Variants in TSHZ2 observed in about 807,000 individuals in gnomAD.
TSHZ2 encodes the protein teashirt zinc finger homeobox 2, also known as teashirt homolog 2.
Under a neutral mutation model 74.4 loss-of-function variants are expected in TSHZ2, and 21 were observed. That is an observed-to-expected ratio of 0.28 (90% CI 0.20 to 0.41). TSHZ2 has a LOEUF of 0.41. Ranked by LOEUF, TSHZ2 falls within the 10% of genes least tolerant of loss-of-function variation. TSHZ2 has a pLI of 1.00. For missense variants in TSHZ2, 1,244 were observed against 1,293.5 expected (o/e 0.96, Z 0.59); for synonymous variants, 540 against 515.3 (o/e 1.05, Z -0.65).
chr20:53,165,406 T>C (rs1462807615), intron 1 of TSHZ2, among the ~76,000 whole-genome samples: 1 of 152,196 alleles, frequency 6.6e-6, no homozygotes, highest in Non-Finnish European at 1.5e-5. Flanking sequence ...CATGAAGCTG[T>C]GAAATACAGC....
intron 1 of TSHZ2, among the ~76,000 whole-genome samples, chr20:53,127,378 T>A (rs1986974312): frequency 6.6e-6 from 1 of 152,102 alleles, no homozygotes; most frequent in South Asian, 2.1e-4. Context: ...AAACAAAAAA[T>A]AAAAACATTG....
At chr20:53,347,217 T>A (rs2145579652) in intron 2 of TSHZ2, among the ~76,000 whole-genome samples, 1 of 152,304 alleles carries the variant, frequency 6.6e-6, no homozygotes, top group East Asian at 1.9e-4. Context: ...GGGTCTCCTG[T>A]GCACTGTAAG....
intron 1 of TSHZ2, among the ~76,000 whole-genome samples, chr20:53,243,686 C>A (rs1990125067): frequency 6.6e-6 from 1 of 152,144 alleles, no homozygotes; most frequent in African/African-American, 2.4e-5. Flanking sequence ...CATGAAAATT[C>A]TTTCCACTTC....
intron 1 of TSHZ2, among the ~76,000 whole-genome samples, chr20:53,106,191 TC>T (rs1395113966): frequency 3.3e-5 from 5 of 152,038 alleles, no homozygotes; most frequent in African/African-American, 9.7e-5. Flanking sequence ...AACTTTTTTC[TC>T]CTATCTAACT....
At chr20:53,404,530 T>C (rs1164862511) in intron 2 of TSHZ2, among the ~76,000 whole-genome samples, 2 of 152,162 alleles carry the variant, frequency 1.3e-5, no homozygotes, top group Admixed American at 1.3e-4. Context: ...AATGAAAGCG[T>C]TGGGTTTCTC....
At chr20:52,998,070 C>T (rs1363411262) in intron 1 of TSHZ2, among the ~76,000 whole-genome samples, 4 of 152,168 alleles carry the variant, frequency 2.6e-5, no homozygotes, top group African/African-American at 7.2e-5. Flanking sequence ...TTAGCCTACC[C>T]TGAATGGTTG....
intron 2 of TSHZ2, among the ~76,000 whole-genome samples, chr20:53,383,931 G>T (rs796393434): frequency 2.9e-4 from 44 of 152,246 alleles, no homozygotes; most frequent in South Asian, 8.3e-4. Flanking sequence ...TAACCAAAAA[G>T]CTAGGCTTCC....
At chr20:53,176,975 G>A (rs142212474) in intron 1 of TSHZ2, among the ~76,000 whole-genome samples, 6 of 152,208 alleles carry the variant, frequency 3.9e-5, no homozygotes, top group South Asian at 4.1e-4. Flanking sequence ...ACGAGCCATC[G>A]CACCCAGCCA....
At chr20:53,130,989 C>T (rs1290309896) in intron 1 of TSHZ2, among the ~76,000 whole-genome samples, 1 of 152,150 alleles carries the variant, frequency 6.6e-6, no homozygotes, top group African/African-American at 2.4e-5. Flanking sequence ...AAGCCTCTGA[C>T]ACGTGGATGA....
At chr20:53,187,824 C>T (rs1459540785) in intron 1 of TSHZ2, among the ~76,000 whole-genome samples, 1 of 151,942 alleles carries the variant, frequency 6.6e-6, no homozygotes, top group Non-Finnish European at 1.5e-5. Context: ...AAGGGTGGTG[C>T]TATCATGAGG....
At chr20:53,264,805 G>A (rs1990677118) in intron 2 of TSHZ2, among the ~76,000 whole-genome samples, 2 of 152,172 alleles carry the variant, frequency 1.3e-5, no homozygotes, top group Admixed American at 6.5e-5. Flanking sequence ...TGTAGGTTAG[G>A]AGCTGGCATT....
intron 2 of TSHZ2, among the ~76,000 whole-genome samples, chr20:53,478,812 T>C (rs1986065739): frequency 1.3e-5 from 2 of 152,070 alleles, no homozygotes; most frequent in Non-Finnish European, 2.9e-5. Flanking sequence ...CATCCTGAAA[T>C]AAAATTTCTA....
chr20:53,319,275 A>G (rs914365771), intron 2 of TSHZ2, among the ~76,000 whole-genome samples: 3 of 152,258 alleles, frequency 2.0e-5, no homozygotes, highest in Non-Finnish European at 4.4e-5. Flanking sequence ...TTTATGTTCC[A>G]GGAGAGAAAT....
At chr20:53,233,659 C>T (rs1209425136) in intron 1 of TSHZ2, among the ~76,000 whole-genome samples, 2 of 152,182 alleles carry the variant, frequency 1.3e-5, no homozygotes, top group Non-Finnish European at 2.9e-5. Context: ...TTTTCCTCAT[C>T]TCAAACAATA....
intron 2 of TSHZ2, among the ~76,000 whole-genome samples, chr20:53,290,210 C>A (rs997409842): frequency 1.3e-5 from 2 of 152,034 alleles, no homozygotes; most frequent in African/African-American, 4.8e-5. Context: ...TCCCCACCAC[C>A]TCCTACTACC....
intron 1 of TSHZ2, among the ~76,000 whole-genome samples, chr20:53,209,173 C>T (rs953820331): frequency 2.6e-5 from 4 of 152,152 alleles, no homozygotes; most frequent in Admixed American, 6.5e-5. Flanking sequence ...CTGCAATCTC[C>T]GTCTCCAAGG....
chr20:53,074,985 C>T lies in TSHZ2; in HGVS notation c.40+101652C>T, dbSNP rs1027310078. Among the ~76,000 whole-genome samples the T allele has an allele frequency of 1.3e-5, 2 of 152,224 alleles. No individual in the cohort carries two copies. The highest frequency in any genetic ancestry group is 2.4e-5 in the African/African-American group (1 of 41,458). ...GTTTTATGTCCTCTTTTGTCGCTGA[C>T]GTTTCCTCCATGTGGAAAGCTTTGA... On this transcript the variant is annotated intron_variant, in intron 1 of 2. Coordinates refer to ENST00000371497, the MANE Select transcript of TSHZ2 (RefSeq NM_173485.6). The surrounding 1 kb of genome is among the most constrained non-coding windows in gnomAD (Gnocchi z 5.9).
chr20:53,477,839 A>C (rs1442072450), intron 2 of TSHZ2, among the ~76,000 whole-genome samples: 1 of 150,208 alleles, frequency 6.7e-6, no homozygotes, highest in Non-Finnish European at 1.5e-5. Context: ...ACCCCATCAA[A>C]AAGTGGGCGA....
At chr20:53,433,592 C>G (rs868594938) in intron 2 of TSHZ2, among the ~76,000 whole-genome samples, 15 of 143,834 alleles carry the variant, frequency 1.0e-4, no homozygotes, top group Admixed American at 4.8e-4. Flanking sequence ...CAGACACACA[C>G]ACACACACAC....
Sources: allele counts gnomAD v4.1 joint callset (sites outside exome capture counted in the v4.1 genomes callset), GRCh38; gene constraint gnomAD v4.1.1; non-coding constraint Gnocchi (gnomAD v3.1); transcripts MANE v1.5; gene names NCBI Gene and HGNC (gene_info 2026-07-23, HGNC 2026-07-21).